KATNAL1: variants seen among roughly 807,000 people sequenced by gnomAD.
KATNAL1 encodes katanin catalytic subunit A1 like 1.
Under a neutral mutation model 55.2 loss-of-function variants are expected in KATNAL1, and 32 were observed. The observed-to-expected ratio is 0.58, with a 90% CI of 0.44 to 0.78. The LOEUF is 0.78. KATNAL1 is among the 30% of genes least tolerant of loss of function. The pLI is 0.00. For synonymous variants in KATNAL1, 193 were observed against 193.6 expected, an observed-to-expected ratio of 1.00 and a Z score of 0.02; for missense variants, 466 against 600.9, an observed-to-expected ratio of 0.78 and a Z score of 2.35.
chr13:30,292,283 T>C (rs1207889549), intron 1 of KATNAL1, among the ~76,000 whole-genome samples: 1 of 151,942 alleles, frequency 6.6e-6, no homozygotes, highest in Non-Finnish European at 1.5e-5. Flanking sequence ...TCACATCACA[T>C]ACAAAAATTA....
intron 2 of KATNAL1, 50 bp downstream of exon 2, chr13:30,283,566 T>G (rs761338908): frequency 6.4e-7 from 1 of 1,569,834 alleles, no homozygotes; most frequent in Admixed American, 1.7e-5. Context: ...CTCTCAAGTA[T>G]AATAGGGTAC....
chr13:30,213,610 T>G (rs1020504743), intron 9 of KATNAL1, among the ~76,000 whole-genome samples: 5 of 152,232 alleles, frequency 3.3e-5, no homozygotes, highest in Non-Finnish European at 4.4e-5. Context: ...GATGCAAGGC[T>G]GGTTCAACAT....
At chr13:30,257,555 T>C (rs1878896405) in intron 3 of KATNAL1, among the ~76,000 whole-genome samples, 1 of 150,062 alleles carries the variant, frequency 6.7e-6, no homozygotes, top group Non-Finnish European at 1.5e-5. Context: ...ACAACATTCC[T>C]TCTGCCTCCT....
At position 30,208,839 on chromosome 13, in the gene KATNAL1, T is replaced by A. The variant is rs927881609; in HGVS notation, c.1275-101A>T. The A allele has an allele frequency of 3.5e-5, 29 of 830,934 alleles. 1 individual carries two copies. Among genetic ancestry groups the A allele is most frequent in the Non-Finnish European group, 4.8e-5 (27 of 559,654 alleles). 51.5% of individuals were successfully genotyped at this position (830,934 alleles called of 1,614,324 possible). A position where few individuals can be genotyped will look rare whatever the true frequency, so the allele number is the denominator to read the frequency against. Reference sequence around the variant, plus strand: ...AAAAAAAAATCAAAAGATTATTTTATATGTTTTTATGAGGCTTCTTAGAAT... The same window carrying A: ...AAAAAAAAATCAAAAGATTATTTTAAATGTTTTTATGAGGCTTCTTAGAAT... On this transcript the variant is annotated intron_variant, in intron 10 of 10. Coordinates refer to ENST00000380615, the MANE Select transcript of KATNAL1 (RefSeq NM_032116.5).
chr13:30,252,344 C>T (rs1390063231), intron 4 of KATNAL1, among the ~76,000 whole-genome samples: 1 of 152,156 alleles, frequency 6.6e-6, no homozygotes, highest in Non-Finnish European at 1.5e-5. Context: ...ATTAGTTGTT[C>T]CATCATACAG....
chr13:30,244,896 G>A (rs1025503665), intron 4 of KATNAL1, among the ~76,000 whole-genome samples: 2 of 151,852 alleles, frequency 1.3e-5, no homozygotes, highest in African/African-American at 4.8e-5. Context: ...CTGAAATTGA[G>A]ACAGTAATTA....
At chr13:30,233,443 AG>A (rs1876313543) in intron 6 of KATNAL1, among the ~76,000 whole-genome samples, 3 of 152,176 alleles carry the variant, frequency 2.0e-5, no homozygotes, top group Non-Finnish European at 4.4e-5. Flanking sequence ...TTCATCAAAA[AG>A]ATAGCTAATA....
At chr13:30,289,278 T>C (rs749618786) in intron 1 of KATNAL1, among the ~76,000 whole-genome samples, 9 of 152,234 alleles carry the variant, frequency 5.9e-5, no homozygotes, top group African/African-American at 1.4e-4. Context: ...TAATTGATTA[T>C]TGATGTCCTC....
At chr13:30,233,158 C>G (rs894215363) in intron 6 of KATNAL1, among the ~76,000 whole-genome samples, 12 of 151,884 alleles carry the variant, frequency 7.9e-5, no homozygotes, top group African/African-American at 2.4e-4. Flanking sequence ...GCAAAGGAAA[C>G]AACAAAGAGA....
rs1370074572 is a variant in KATNAL1, at chr13:30,254,947, C to T, written c.492+500G>A. Among the ~76,000 whole-genome samples, 6 of 152,114 alleles carry T rather than the reference C, an allele frequency of 3.9e-5. No individual in the cohort carries two copies. In the East Asian group the frequency reaches 9.7e-4, roughly 24 times the overall value. Reference sequence around the variant, plus strand: ...CACCAATCAATTTCCTAAATAAGTACGTGTGCACAATGAACCCTAAGCAAG... The same window carrying T: ...CACCAATCAATTTCCTAAATAAGTATGTGTGCACAATGAACCCTAAGCAAG... On this transcript the variant is annotated intron_variant, in intron 4 of 10. Transcript: ENST00000380615.
intron 1 of KATNAL1, among the ~76,000 whole-genome samples, chr13:30,287,306 G>A (rs950481334): frequency 6.6e-6 from 1 of 152,298 alleles, no homozygotes; most frequent in East Asian, 1.9e-4. Context: ...GGATCATGGG[G>A]GTGGTTCCCC....
chr13:30,247,990 C>T (rs1421665219), intron 4 of KATNAL1, among the ~76,000 whole-genome samples: 2 of 152,058 alleles, frequency 1.3e-5, no homozygotes, highest in Non-Finnish European at 2.9e-5. Flanking sequence ...TAAGAAATAC[C>T]AAATACCACA....
rs1382647127 is a variant in KATNAL1 at position 30,203,587 on chromosome 13, C to T, written c.*4953G>A. 5 of 152,198 alleles carry T rather than the reference C, an allele frequency of 3.3e-5. No homozygotes were observed. The highest frequency in any genetic ancestry group is 2.9e-5 in the Non-Finnish European group (2 of 68,026). The allele number at this position is 152,198 out of a possible 1,614,324, so 9.4% of individuals were successfully genotyped here. On this transcript the variant is annotated 3_prime_UTR_variant, in exon 11 of 11. Coordinates refer to ENST00000380615, the MANE Select transcript of KATNAL1 (RefSeq NM_032116.5). ...AAATTTCCATATGTACAAAAACCTA[C>T]ACACTGTTGGTAATAAAGCAATATC...
intron 9 of KATNAL1, among the ~76,000 whole-genome samples, chr13:30,217,843 A>C (rs1036700491): frequency 1.3e-5 from 2 of 152,172 alleles, no homozygotes; most frequent in African/African-American, 4.8e-5. Context: ...AAATGTTCAC[A>C]GCCCCCACCA....
At chr13:30,270,445 G>A (rs1388204324) in intron 3 of KATNAL1, among the ~76,000 whole-genome samples, 4 of 152,154 alleles carry the variant, frequency 2.6e-5, no homozygotes, top group Admixed American at 2.0e-4. Flanking sequence ...TTGAGAACGG[G>A]CCATGATGAC....
At chr13:30,280,323 AG>A in intron 2 of KATNAL1, 100 bp from the exon 3 acceptor site, 1 of 859,000 alleles carries the variant, frequency 1.2e-6, no homozygotes, top group Non-Finnish European at 1.6e-6. Flanking sequence ...TTAATGTCAA[AG>A]GGTGAAAAAT....
At position 30,203,210 on chromosome 13, in the gene KATNAL1, A is replaced by G. The variant is rs1872837901; in HGVS notation, c.*5330T>C. 1 of 152,250 alleles carries G rather than the reference A, an allele frequency of 6.6e-6. No homozygotes were observed. Among genetic ancestry groups the G allele is most frequent in the South Asian group, 2.1e-4 (1 of 4,838 alleles). The allele number at this position is 152,250 out of a possible 1,614,324, so 9.4% of individuals were successfully genotyped here. On this transcript the variant is annotated 3_prime_UTR_variant, in exon 11 of 11. Transcript: ENST00000380615. ...TTCACAGAGGCCTTATTTGGAATACAAACACTTTGCTAGAGAAAGAAAGAT... is the reference window on the plus strand; with the variant it reads ...TTCACAGAGGCCTTATTTGGAATACGAACACTTTGCTAGAGAAAGAAAGAT...
At chr13:30,238,399 T>C (rs1432649286) in intron 6 of KATNAL1, among the ~76,000 whole-genome samples, 1 of 152,178 alleles carries the variant, frequency 6.6e-6, no homozygotes, top group Non-Finnish European at 1.5e-5. Context: ...AATTCACATG[T>C]ACCCAGTCTG....
rs1482794949 is a variant in KATNAL1 at position 30,203,669 on chromosome 13, A to G, written c.*4871T>C. On this transcript the variant is annotated 3_prime_UTR_variant, in exon 11 of 11. Coordinates refer to ENST00000380615, the MANE Select transcript of KATNAL1 (RefSeq NM_032116.5). ...TGAGAAAGGTAAAATAAATTTTATG[A>G]CATTACCTAAATATTTTTCCTGTTT... 1.3e-5 allele frequency: 2 copies of G among 152,310 alleles called. No individual in the cohort carries two copies. Among genetic ancestry groups the G allele is most frequent in the East Asian group, 1.9e-4 (1 of 5,184 alleles). The allele number at this position is 152,310 out of a possible 1,614,324, so 9.4% of individuals were successfully genotyped here. A position where few individuals can be genotyped will look rare whatever the true frequency, so the allele number is the denominator to read the frequency against.
Sources: gnomAD v4.1 joint callset for allele counts (sites outside exome capture counted in the v4.1 genomes callset) on GRCh38, gnomAD v4.1.1 for gene constraint, MANE v1.5 for transcripts, NCBI Gene and HGNC (gene_info 2026-07-23, HGNC 2026-07-21) for gene names.